UBE2W: variants seen among roughly 807,000 people sequenced by gnomAD.
UBE2W encodes the protein ubiquitin-conjugating enzyme E2 W.
UBE2W carries 18 observed loss-of-function variants against 27.2 expected under a neutral mutation model. The observed-to-expected ratio is 0.66, with a 90% CI of 0.46 to 0.98. The LOEUF is 0.98. Ranked by LOEUF, UBE2W falls within the 50% of genes least tolerant of loss-of-function variation. UBE2W has a pLI of 0.00. For synonymous variants in UBE2W, 53 were observed against 57.2 expected (o/e 0.93, Z 0.33); for missense variants, 90 against 180.2 (o/e 0.50, Z 2.87).
chr8:73,872,648 G>C (rs569070525), intron 1 of UBE2W, among the ~76,000 whole-genome samples: 1 of 152,254 alleles, frequency 6.6e-6, no homozygotes, highest in Non-Finnish European at 1.5e-5. Flanking sequence ...GAAGGTGTAA[G>C]TAATGAACAC....
intron 3 of UBE2W, among the ~76,000 whole-genome samples, chr8:73,822,415 A>G (rs955058855): frequency 5.9e-5 from 9 of 152,018 alleles, no homozygotes; most frequent in Admixed American, 4.6e-4. Context: ...AAGAGAGCTC[A>G]CTAAAATGCT....
At chr8:73,839,347 T>TAAAA (rs34467910) in intron 1 of UBE2W, among the ~76,000 whole-genome samples, 1 of 131,704 alleles carries the variant, frequency 7.6e-6, no homozygotes, top group Admixed American at 7.9e-5. Context: ...TGCTCCTAGT[T>TAAAA]AAAAAAAAAA....
chr8:73,839,605 C>G (rs897740621), intron 1 of UBE2W, among the ~76,000 whole-genome samples: 6 of 150,896 alleles, frequency 4.0e-5, no homozygotes, highest in African/African-American at 1.5e-4. Context: ...TGCAGTGAGC[C>G]GAGATCACGC....
chr8:73,839,952 T>A (rs2130925618), intron 1 of UBE2W, among the ~76,000 whole-genome samples: 1 of 152,098 alleles, frequency 6.6e-6, no homozygotes, highest in Non-Finnish European at 1.5e-5. Flanking sequence ...GCCAAGCTGG[T>A]CTCGAACTCC....
At chr8:73,828,858 C>T (rs574110552) in intron 2 of UBE2W, among the ~76,000 whole-genome samples, 27 of 152,178 alleles carry the variant, frequency 1.8e-4, no homozygotes, top group Non-Finnish European at 3.2e-4. Flanking sequence ...AATACTAGAT[C>T]TTCTTCATTC....
At chr8:73,867,486 G>T (rs1046463341) in intron 1 of UBE2W, among the ~76,000 whole-genome samples, 1 of 152,110 alleles carries the variant, frequency 6.6e-6, no homozygotes, top group Admixed American at 6.5e-5. Context: ...AGTGAGCCGA[G>T]ATCACGCCAC....
At chr8:73,845,121 C>T (rs1406187482) in intron 1 of UBE2W, among the ~76,000 whole-genome samples, 3 of 44,560 alleles carry the variant, frequency 6.7e-5, no homozygotes, top group East Asian at 1.1e-3. Context: ...GGCCGCCGCC[C>T]CGTCTGGGAG....
At chr8:73,844,265 CA>C (rs568078601) in intron 1 of UBE2W, among the ~76,000 whole-genome samples, 2,160 of 151,756 alleles carry the variant, frequency 0.014, 60 homozygotes, top group African/African-American at 0.05. Context: ...TCTCCTGCCT[CA>C]GCCTGCCAGT....
At chr8:73,856,357 ATT>A (rs34593904) in intron 1 of UBE2W, among the ~76,000 whole-genome samples, 6,368 of 88,824 alleles carry the variant, frequency 0.072, 245 homozygotes, top group African/African-American at 0.26. Flanking sequence ...ACACTTATGA[ATT>A]TTTTTTTTTT....
chr8:73,846,334 C>A (rs991075097), intron 1 of UBE2W, among the ~76,000 whole-genome samples: 1 of 151,842 alleles, frequency 6.6e-6, no homozygotes, highest in African/African-American at 2.4e-5. Context: ...AGGCAGAGGT[C>A]GCAGTGAGTC....
At chr8:73,849,268 G>C (rs1331440012) in intron 1 of UBE2W, among the ~76,000 whole-genome samples, 1 of 151,958 alleles carries the variant, frequency 6.6e-6, no homozygotes, top group East Asian at 1.9e-4. Flanking sequence ...TCCCAGCACT[G>C]TGGGAGGCCA....
At chr8:73,801,968 G>A (rs1354291679) in intron 5 of UBE2W, among the ~76,000 whole-genome samples, 2 of 152,190 alleles carry the variant, frequency 1.3e-5, no homozygotes, top group African/African-American at 2.4e-5. Flanking sequence ...GAGAGGAGTT[G>A]TGTGTGTAGT....
In UBE2W at chr8:73,793,566, T is replaced by G; in HGVS notation, c.*536A>C. The stretch of plus-strand genomic sequence containing the variant: ...CGCATGTTAATTCATGCTGTTAACC[T>G]TAGGATCACAGTGCATAGAATCCAA... On this transcript the variant is annotated 3_prime_UTR_variant, in exon 6 of 6. Transcript: ENST00000602593. 2 of 985,952 alleles carry G rather than the reference T, an allele frequency of 2.0e-6. No homozygotes were observed. The highest frequency in any genetic ancestry group is 9.4e-5 in the South Asian group (2 of 21,294). The allele number at this position is 985,952 out of a possible 1,614,324, so 61.1% of individuals were successfully genotyped here.
chr8:73,796,159 CTT>C (rs1808409805), intron 5 of UBE2W, among the ~76,000 whole-genome samples: 1 of 145,808 alleles, frequency 6.9e-6, no homozygotes, highest in Non-Finnish European at 1.5e-5. Context: ...ATAAAACAAA[CTT>C]AGGAATATTA....
At chr8:73,801,542 A>AT (rs1329932110) in intron 5 of UBE2W, among the ~76,000 whole-genome samples, 1 of 152,250 alleles carries the variant, frequency 6.6e-6, no homozygotes, top group Non-Finnish European at 1.5e-5. Flanking sequence ...CTGAACCAGA[A>AT]TTACTAGAGT....
chr8:73,836,602 C>A (rs1473800402), intron 1 of UBE2W, among the ~76,000 whole-genome samples: 1 of 152,082 alleles, frequency 6.6e-6, no homozygotes, highest in Non-Finnish European at 1.5e-5. Context: ...TAAAGAGCTG[C>A]ATGTAAAGAT....
At chr8:73,852,870 G>C (rs930155991) in intron 1 of UBE2W, among the ~76,000 whole-genome samples, 1 of 152,174 alleles carries the variant, frequency 6.6e-6, no homozygotes, top group African/African-American at 2.4e-5. Flanking sequence ...TAGTATACTA[G>C]GGTATGTCAT....
chr8:73,815,897 T>C (rs2130882972), intron 3 of UBE2W, among the ~76,000 whole-genome samples: 1 of 152,366 alleles, frequency 6.6e-6, no homozygotes, highest in East Asian at 1.9e-4. Context: ...CAGACAACAG[T>C]ACTTAATGTG....
At chr8:73,864,750 T>TGGGGGGGGGGGGG (rs71269956) in intron 1 of UBE2W, among the ~76,000 whole-genome samples, 2 of 88,548 alleles carry the variant, frequency 2.3e-5, no homozygotes, top group African/African-American at 1.2e-4. Context: ...CAAATTTTTT[T>TGGGGGGGGGGGGG]GGGGGGGGGG....
Sources: gnomAD v4.1 joint callset for allele counts (sites outside exome capture counted in the v4.1 genomes callset) on GRCh38, gnomAD v4.1.1 for gene constraint, MANE v1.5 for transcripts, NCBI Gene and HGNC (gene_info 2026-07-23, HGNC 2026-07-21) for gene names.